RGS8: variants seen among roughly 807,000 people sequenced by gnomAD.
The protein encoded by RGS8 is regulator of G protein signaling 8.
A neutral mutation model predicts 21.7 loss-of-function variants in RGS8; 8 were observed. The observed-to-expected ratio is 0.37, with a 90% CI of 0.22 to 0.66. The LOEUF is 0.66. Among genes scored for constraint, RGS8 ranks in the 30% least tolerant of loss-of-function variants. The pLI is 0.59. For missense variants in RGS8, 157 were observed against 217.9 expected (o/e 0.72, Z 1.76); for synonymous variants, 80 against 83.6 (o/e 0.96, Z 0.24).
the RGS8 span, among the ~76,000 whole-genome samples, chr1:182,708,901 G>A: frequency 6.6e-6 from 1 of 152,198 alleles, no homozygotes; most frequent in African/African-American, 2.4e-5. Context: ...TGCTCCCCAA[G>A]CAGCTCTGGG....
chr1:182,689,922 T>G, the RGS8 span, among the ~76,000 whole-genome samples: 13 of 152,360 alleles, frequency 8.5e-5, no homozygotes, highest in East Asian at 5.8e-4. Context: ...TTAAAATATC[T>G]GTCTGGAGAT....
the RGS8 span, among the ~76,000 whole-genome samples, chr1:182,699,401 T>C: frequency 0.033 from 4,951 of 152,298 alleles, 116 homozygotes; most frequent in Non-Finnish European, 0.044. Flanking sequence ...GCTCTTCCCA[T>C]CTTCCCAGGA....
chr1:182,716,801 T>C, the RGS8 span, among the ~76,000 whole-genome samples: 15 of 152,266 alleles, frequency 9.9e-5, no homozygotes, highest in African/African-American at 3.6e-4. Context: ...CGGATCATCA[T>C]CCAAGGTCAA....
chr1:182,717,435 ACC>A, the RGS8 span, among the ~76,000 whole-genome samples: 1 of 152,218 alleles, frequency 6.6e-6, no homozygotes, highest in South Asian at 2.1e-4. Context: ...AAAGATTTTC[ACC>A]TGAAATTGTT....
chr1:182,723,296 AG>A, the RGS8 span, among the ~76,000 whole-genome samples: 1 of 152,188 alleles, frequency 6.6e-6, no homozygotes, highest in Non-Finnish European at 1.5e-5. Context: ...GCCATCAGTG[AG>A]GGCTGCAGTC....
At chr1:182,643,333 C>G (rs561953507), downstream of RGS8, 21 of 126,354 alleles carry the variant, frequency 1.7e-4, 1 homozygote, top group Admixed American at 7.4e-5. Flanking sequence ...GCCCCCCCGC[C>G]CCCGCGCTGT....
chr1:182,659,917 T>C (rs988810616), intron 5 of RGS8, among the ~76,000 whole-genome samples: 2 of 152,098 alleles, frequency 1.3e-5, no homozygotes, highest in African/African-American at 4.8e-5. Flanking sequence ...GAAGGGGGCC[T>C]GCCAAAAGCT....
the RGS8 span, among the ~76,000 whole-genome samples, chr1:182,710,082 T>C: frequency 6.6e-5 from 10 of 152,174 alleles, no homozygotes; most frequent in Non-Finnish European, 1.5e-4. Context: ...CCATCCTTTT[T>C]ACCAGCGAAG....
At chr1:182,706,930 G>A in the RGS8 span, among the ~76,000 whole-genome samples, 12 of 152,138 alleles carry the variant, frequency 7.9e-5, no homozygotes, top group African/African-American at 2.9e-4. Flanking sequence ...GGCCAAGGCA[G>A]GCAGATCACC....
chr1:182,704,170 T>A, the RGS8 span, among the ~76,000 whole-genome samples: 1 of 152,270 alleles, frequency 6.6e-6, no homozygotes, highest in East Asian at 1.9e-4. Context: ...TAACCATAAC[T>A]GTAATTTTCT....
the RGS8 span, among the ~76,000 whole-genome samples, chr1:182,722,807 T>A: frequency 6.6e-6 from 1 of 152,048 alleles, no homozygotes; most frequent in African/African-American, 2.4e-5. Context: ...AAACCCCGTC[T>A]CTACTAAAAA....
chr1:182,662,994 T>A (rs1663672628), intron 5 of RGS8, among the ~76,000 whole-genome samples: 2 of 151,930 alleles, frequency 1.3e-5, no homozygotes, highest in South Asian at 4.2e-4. Flanking sequence ...GAAATAGAAA[T>A]CTTAAGGGGG....
chr1:182,704,708 C>T, the RGS8 span, among the ~76,000 whole-genome samples: 9 of 152,154 alleles, frequency 5.9e-5, no homozygotes, highest in African/African-American at 1.9e-4. Context: ...GAATTGCAGA[C>T]CCACCCTCAC....
At chr1:182,723,088 C>T in the RGS8 span, among the ~76,000 whole-genome samples, 1 of 152,156 alleles carries the variant, frequency 6.6e-6, no homozygotes, top group Admixed American at 6.5e-5. Context: ...TAACTAATTA[C>T]ATCTTCAAAA....
chr1:182,682,384 G>A (rs995011111), intron 1 of RGS8, among the ~76,000 whole-genome samples: 1 of 152,186 alleles, frequency 6.6e-6, no homozygotes, highest in Non-Finnish European at 1.5e-5. Context: ...TGAAGGGTCT[G>A]TTAGAGAGTA....
At chr1:182,696,151 C>T in the RGS8 span, among the ~76,000 whole-genome samples, 1 of 152,160 alleles carries the variant, frequency 6.6e-6, no homozygotes, top group African/African-American at 2.4e-5. Context: ...TCTCCTTACC[C>T]TGCCTCTATC....
At chr1:182,738,647 A>G in the RGS8 span, among the ~76,000 whole-genome samples, 14 of 152,318 alleles carry the variant, frequency 9.2e-5, no homozygotes, top group Admixed American at 5.9e-4. Context: ...AATATGAAGT[A>G]TGGAGTCAGA....
chr1:182,752,208 G>A, the RGS8 span, among the ~76,000 whole-genome samples: 3 of 152,220 alleles, frequency 2.0e-5, no homozygotes, highest in African/African-American at 4.8e-5. Context: ...CATGACAGCA[G>A]AGGCTGGGCT....
exon 7 of RGS8, chr1:182,646,715 C>T (rs1446331991): frequency 4.4e-6 from 7 of 1,596,596 alleles, no homozygotes; most frequent in Non-Finnish European, 4.3e-6. Flanking sequence ...CGGTGATTTC[C>T]AGGAGTTCCC....
Sources: allele counts gnomAD v4.1 joint callset (sites outside exome capture counted in the v4.1 genomes callset), GRCh38; gene constraint gnomAD v4.1.1; transcripts MANE v1.5; gene names NCBI Gene and HGNC (gene_info 2026-07-23, HGNC 2026-07-21).